PRKCZ: variants seen among roughly 807,000 people sequenced by gnomAD.
PRKCZ encodes the protein protein kinase C zeta, also known as protein kinase C zeta type.
In PRKCZ, 33 loss-of-function variants were observed where a neutral mutation model predicts 79.5. The ratio of observed to expected loss-of-function variants is 0.41; its 90% CI spans 0.31 to 0.55. The LOEUF (loss-of-function observed/expected upper bound fraction) is 0.55, where lower values mean the gene tolerates loss of function less well. PRKCZ is among the 20% of genes least tolerant of loss of function. PRKCZ has a pLI of 0.19. For synonymous variants in PRKCZ, 342 were observed against 320.9 expected (o/e 1.07, Z -0.70); for missense variants, 578 against 813.5 (o/e 0.71, Z 3.52).
chr1:2,102,566 T>C (rs1667661185), intron 4 of PRKCZ, among the ~76,000 whole-genome samples: 1 of 152,088 alleles, frequency 6.6e-6, no homozygotes, highest in South Asian at 2.1e-4. Flanking sequence ...TCTCCTGACC[T>C]CGTGATCCGC....
At position 2,151,429 on chromosome 1, in the gene PRKCZ, C is replaced by T. The variant is rs147619709; in HGVS notation, c.876+451C>T. 5.8e-3 allele frequency among the ~76,000 whole-genome samples: 885 copies of T among 152,288 alleles called. 7 individuals carry two copies. Among genetic ancestry groups the T allele is most frequent in the Non-Finnish European group, 9.4e-3 (637 of 68,028 alleles). ...TGATACGTTGCCTTCCAGCAGACTG[C>T]GGTTGAGTTTTAGGATGTCATCACC... On this transcript the variant is annotated intron_variant, in intron 9 of 17. Coordinates refer to ENST00000378567, the MANE Select transcript of PRKCZ (RefSeq NM_002744.6).
At chr1:2,087,228 A>G (rs187445510) in intron 4 of PRKCZ, among the ~76,000 whole-genome samples, 15 of 152,014 alleles carry the variant, frequency 9.9e-5, no homozygotes, top group Admixed American at 9.2e-4. Context: ...GATTACAGGC[A>G]CCCACCACCA....
rs1319233295 is a variant in PRKCZ at position 2,055,434 on chromosome 1, GC to G, written c.72-3del. 6 of 1,609,500 alleles carry G rather than the reference GC, an allele frequency of 3.7e-6. No homozygotes were observed. Among genetic ancestry groups the G allele is most frequent in the Non-Finnish European group, 5.1e-6 (6 of 1,177,278 alleles). On this transcript the variant is annotated splice_polypyrimidine_tract_variant and splice_region_variant and intron_variant, in intron 1 of 17. Coordinates refer to ENST00000378567, the MANE Select transcript of PRKCZ (RefSeq NM_002744.6). ...GGTAACAGATGCCCATGTCCCCTCT[GC>G]CCCAGGGACATCTTCATCACCAGCG... is the stretch of plus-strand genomic sequence containing the variant.
chr1:2,145,905 T>TG, intron 6 of PRKCZ, 122 bp from the exon 7 acceptor site: 1 of 785,582 alleles, frequency 1.3e-6, no homozygotes, highest in Non-Finnish European at 2.1e-6. Context: ...GATGACAGAC[T>TG]GTGACCCTGT....
intron 3 of PRKCZ, among the ~76,000 whole-genome samples, chr1:2,056,835 TCTC>T (rs1460816475): frequency 1.3e-5 from 2 of 151,542 alleles, no homozygotes; most frequent in African/African-American, 2.4e-5. Flanking sequence ...TTCATGCCAT[TCTC>T]CTGCCTCAGC....
intron 2 of PRKCZ, chr1:2,055,884 C>T (rs1660113331): frequency 3.8e-6 from 1 of 264,568 alleles, no homozygotes; most frequent in South Asian, 8.7e-5. Flanking sequence ...TCGGTAGGTG[C>T]TTCTGAAAGG....
At position 2,174,363 on chromosome 1, in the gene PRKCZ, T is replaced by C. The variant is rs1418196723; in HGVS notation, c.1405+347T>C. Among the ~76,000 whole-genome samples, 3 of 152,198 alleles carry C rather than the reference T, an allele frequency of 2.0e-5. No homozygotes were observed. The highest frequency in any genetic ancestry group is 1.5e-5 in the Non-Finnish European group (1 of 68,022). On this transcript the variant is annotated intron_variant, in intron 14 of 17. Transcript: ENST00000378567. The surrounding 1 kb of genome is among the most constrained non-coding windows in gnomAD (Gnocchi z 6.2). ...CCCCCAAAACCCACAGCCACCATCATGGGCTCCTTCCCACCTGGAGGCCCC... is the reference window on the plus strand; with the variant it reads ...CCCCCAAAACCCACAGCCACCATCACGGGCTCCTTCCCACCTGGAGGCCCC...
intron 4 of PRKCZ, among the ~76,000 whole-genome samples, chr1:2,070,300 T>G (rs1308348513): frequency 6.6e-6 from 1 of 152,116 alleles, no homozygotes; most frequent in African/African-American, 2.4e-5. Context: ...CCCACCCCAC[T>G]GTAGCCCATC....
intron 4 of PRKCZ, among the ~76,000 whole-genome samples, chr1:2,111,052 G>A (rs1411826460): frequency 6.6e-6 from 1 of 152,170 alleles, no homozygotes. Context: ...ACAGCATGGC[G>A]AGGTAAGGGC....
At chr1:2,069,869 C>T (rs1367363833) in intron 4 of PRKCZ, among the ~76,000 whole-genome samples, 3 of 152,196 alleles carry the variant, frequency 2.0e-5, no homozygotes, top group Non-Finnish European at 4.4e-5. Flanking sequence ...TGGGTAGCCT[C>T]AGGCCTGGGC....
intron 10 of PRKCZ, among the ~76,000 whole-genome samples, chr1:2,159,882 A>C (rs930471306): frequency 2.0e-5 from 3 of 152,190 alleles, no homozygotes; most frequent in Non-Finnish European, 4.4e-5. Flanking sequence ...TATTTCAGGA[A>C]AACCAGGTAA....
chr1:2,065,474 C>T (rs939334804), intron 4 of PRKCZ, among the ~76,000 whole-genome samples: 3 of 152,018 alleles, frequency 2.0e-5, no homozygotes, highest in Non-Finnish European at 4.4e-5. Flanking sequence ...GTCAGGAGAT[C>T]GAGATCGTCC....
At chr1:2,071,208 AGG>A in intron 4 of PRKCZ, 1 of 264,716 alleles carries the variant, frequency 3.8e-6, no homozygotes, top group Middle Eastern at 4.4e-4. Flanking sequence ...CCTCTGTAAA[AGG>A]GGGCTTTGTG....
At chr1:2,182,196 T>C (rs1686736559) in intron 16 of PRKCZ, 1 of 224,902 alleles carries the variant, frequency 4.4e-6, no homozygotes, top group African/African-American at 2.3e-5. Flanking sequence ...GTTCCCAGTT[T>C]GGCTTTTGTT....
intron 5 of PRKCZ, among the ~76,000 whole-genome samples, chr1:2,138,225 C>T (rs1446592461): frequency 6.6e-6 from 1 of 152,222 alleles, no homozygotes; most frequent in Non-Finnish European, 1.5e-5. Flanking sequence ...ACTTTTCCGT[C>T]CTCTTTGTTG....
At chr1:2,118,447 C>G (rs1671189716) in intron 4 of PRKCZ, among the ~76,000 whole-genome samples, 2 of 151,628 alleles carry the variant, frequency 1.3e-5, no homozygotes, top group Admixed American at 1.3e-4. Context: ...ACGCCATTCT[C>G]CTGCCTCAGC....
intron 5 of PRKCZ, among the ~76,000 whole-genome samples, chr1:2,140,882 C>G (rs765312389): frequency 6.6e-6 from 1 of 152,170 alleles, no homozygotes; most frequent in Admixed American, 6.5e-5. Context: ...ACAGGAGAAT[C>G]GCTTGAACCC....
intron 4 of PRKCZ, among the ~76,000 whole-genome samples, chr1:2,067,257 CTG>C (rs533941635): frequency 1.4e-3 from 207 of 152,312 alleles, no homozygotes; most frequent in South Asian, 6.8e-3. Context: ...CAGCGCTCTG[CTG>C]TGTCTGTCAG....
At chr1:2,092,450 G>A (rs924402131) in intron 4 of PRKCZ, among the ~76,000 whole-genome samples, 15 of 151,918 alleles carry the variant, frequency 9.9e-5, no homozygotes, top group Admixed American at 2.0e-4. Flanking sequence ...CCCGGGACTC[G>A]GCCGCGCCCT....
Sources: gnomAD v4.1 joint callset for allele counts (sites outside exome capture counted in the v4.1 genomes callset) on GRCh38, gnomAD v4.1.1 for gene constraint, Gnocchi (gnomAD v3.1) non-coding constraint, MANE v1.5 for transcripts, NCBI Gene and HGNC (gene_info 2026-07-23, HGNC 2026-07-21) for gene names.